AGAP1: variants seen among roughly 807,000 people sequenced by gnomAD.
The protein encoded by AGAP1 is ArfGAP with GTPase domain, ankyrin repeat and PH domain 1, also known as arf-GAP with GTPase, ANK repeat and PH domain-containing protein 1.
Under a neutral mutation model 105.3 loss-of-function variants are expected in AGAP1, and 29 were observed. The observed-to-expected ratio is 0.28, with a 90% CI of 0.21 to 0.38. The LOEUF is 0.38. Ranked by LOEUF, AGAP1 falls within the 10% of genes least tolerant of loss-of-function variation. AGAP1 has a pLI of 1.00. For missense variants in AGAP1, 998 were observed against 1,165.1 expected, an observed-to-expected ratio of 0.86 and a Z score of 2.09; for synonymous variants, 509 against 485.9, an observed-to-expected ratio of 1.05 and a Z score of -0.63.
chr2:235,494,605 C>T lies in AGAP1; in HGVS notation c.-82C>T. The T allele has an allele frequency of 1.4e-6, 1 of 709,328 alleles. No individual in the cohort carries two copies. The highest frequency in any genetic ancestry group is 1.7e-6 in the Non-Finnish European group (1 of 583,864). 43.9% of individuals were successfully genotyped at this position (709,328 alleles called of 1,614,324 possible). A position where few individuals can be genotyped will look rare whatever the true frequency, so the allele number is the denominator to read the frequency against. Reference sequence around the variant, plus strand: ...CCCGGCTCCCCGGGGGCTGCGGCGCCCCGGGCTCGGCGGCCCGCGGGCCCC... The same window carrying T: ...CCCGGCTCCCCGGGGGCTGCGGCGCTCCGGGCTCGGCGGCCCGCGGGCCCC... On this transcript the variant is annotated 5_prime_UTR_variant, in exon 1 of 18. Transcript: ENST00000304032.
At position 236,055,165 on chromosome 2, in the gene AGAP1, C is replaced by T. The variant is rs747005983; in HGVS notation, c.2114+5884C>T. On this transcript the variant is annotated intron_variant, in intron 16 of 17. Transcript: ENST00000304032. This position sits in a 1 kb window ranked among gnomAD's most constrained non-coding sequence, Gnocchi z 6.2. ...GAATAAACTCCTCTGATTCTATCAT[C>T]CCGGATGCAGAGGGTTCAGGGAGCT... is the stretch of plus-strand genomic sequence containing the variant. 1.6e-4 allele frequency among the ~76,000 whole-genome samples: 24 copies of T among 152,184 alleles called. No homozygotes were observed. Among genetic ancestry groups the T allele is most frequent in the Non-Finnish European group, 3.1e-4 (21 of 68,044 alleles).
At position 235,578,769 on chromosome 2, in the gene AGAP1, A is replaced by C. The variant is rs1412009063; in HGVS notation, c.163+83920A>C. 1.4e-5 allele frequency among the ~76,000 whole-genome samples: 2 copies of C among 147,548 alleles called. No individual in the cohort carries two copies. Among genetic ancestry groups the C allele is most frequent in the Non-Finnish European group, 3.0e-5 (2 of 67,190 alleles). The stretch of plus-strand genomic sequence containing the variant: ...CACTGCACTCCAGCCTGGGCAATAC[A>C]GCGAGACTCAGTCTCAAAAAAAAAA... On this transcript the variant is annotated intron_variant, in intron 1 of 17. Coordinates refer to ENST00000304032, the MANE Select transcript of AGAP1 (RefSeq NM_001037131.3). The surrounding 1 kb of genome is among the most constrained non-coding windows in gnomAD (Gnocchi z 4.9).
chr2:235,846,519 C>T (rs1012630189), intron 9 of AGAP1, among the ~76,000 whole-genome samples: 10 of 150,868 alleles, frequency 6.6e-5, no homozygotes, highest in Admixed American at 6.6e-5. Flanking sequence ...TTAGTAGAGA[C>T]GGGGTTTTAC....
chr2:235,808,504 T>C (rs1379376823), intron 9 of AGAP1, among the ~76,000 whole-genome samples: 1 of 152,108 alleles, frequency 6.6e-6, no homozygotes, highest in African/African-American at 2.4e-5. Context: ...AGGGGTTAAA[T>C]AGGGCCACAG....
intron 16 of AGAP1, among the ~76,000 whole-genome samples, chr2:236,094,719 T>C (rs2059150221): frequency 6.6e-6 from 1 of 152,050 alleles, no homozygotes; most frequent in East Asian, 1.9e-4. Context: ...ATGAAATTTG[T>C]GGACTGTATG....
intron 1 of AGAP1, among the ~76,000 whole-genome samples, chr2:235,573,972 C>T (rs571500392): frequency 2.6e-4 from 39 of 152,356 alleles, no homozygotes; most frequent in African/African-American, 9.4e-4. Context: ...GTCGCACAAC[C>T]TTTTTATTGA....
At chr2:236,010,115 T>TAA (rs34251322) in intron 13 of AGAP1, among the ~76,000 whole-genome samples, 2 of 140,450 alleles carry the variant, frequency 1.4e-5, no homozygotes, top group Non-Finnish European at 3.1e-5. Flanking sequence ...CATGTGTTAG[T>TAA]AAAAAAAAAA....
intron 12 of AGAP1, among the ~76,000 whole-genome samples, chr2:235,941,357 A>G (rs1238226199): frequency 2.0e-5 from 3 of 152,196 alleles, no homozygotes; most frequent in Admixed American, 2.0e-4. Context: ...CATTTAGTCC[A>G]CAAGTATTTA....
chr2:236,029,458 G>A (rs762749465), intron 13 of AGAP1, among the ~76,000 whole-genome samples: 1 of 144,180 alleles, frequency 6.9e-6, no homozygotes, highest in Non-Finnish European at 1.5e-5. Flanking sequence ...TTTTTTTTTC[G>A]GTATTTTAGT....
rs60572339 is a variant in AGAP1, at chr2:235,965,119, T to A, written c.1484-3343T>A. Among the ~76,000 whole-genome samples the A allele has an allele frequency of 0.15, 22,445 of 152,134 alleles. 4,449 individuals are homozygous for A. The highest frequency in any genetic ancestry group is 0.46 in the African/African-American group (18,943 of 41,480). ...CCAGATGTCCACCGTGGAAAGCAAG[T>A]GTTGGGCAGAAGTGGCAGGGAAGTG... On this transcript the variant is annotated intron_variant, in intron 12 of 17. Coordinates refer to ENST00000304032, the MANE Select transcript of AGAP1 (RefSeq NM_001037131.3). This position sits in a 1 kb window ranked among gnomAD's most constrained non-coding sequence, Gnocchi z 5.8.
At position 235,842,834 on chromosome 2, in the gene AGAP1, T is replaced by G. The variant is rs889926175; in HGVS notation, c.1050+35503T>G. On this transcript the variant is annotated intron_variant, in intron 9 of 17. Coordinates refer to ENST00000304032, the MANE Select transcript of AGAP1 (RefSeq NM_001037131.3). The surrounding 1 kb of genome is among the most constrained non-coding windows in gnomAD (Gnocchi z 5.3). ...CCTCTGCCTCCCAGGTTCAAGTGATTCTTCTGCCTCAGCCTCCCGACTAGC... is the reference window on the plus strand; with the variant it reads ...CCTCTGCCTCCCAGGTTCAAGTGATGCTTCTGCCTCAGCCTCCCGACTAGC... Among the ~76,000 whole-genome samples, 11 of 149,922 alleles carry G rather than the reference T, an allele frequency of 7.3e-5. No homozygotes were observed. The highest frequency in any genetic ancestry group is 2.7e-4 in the African/African-American group (11 of 41,458).
At chr2:235,511,037 C>G (rs1350907078) in intron 1 of AGAP1, among the ~76,000 whole-genome samples, 1 of 152,082 alleles carries the variant, frequency 6.6e-6, no homozygotes, top group Admixed American at 6.5e-5. Context: ...TTGTAGCCCC[C>G]AAGAGGACAT....
At chr2:236,103,468 C>T (rs192505075) in intron 16 of AGAP1, among the ~76,000 whole-genome samples, 18 of 152,106 alleles carry the variant, frequency 1.2e-4, no homozygotes, top group Non-Finnish European at 1.8e-4. Flanking sequence ...ATCTTTTTCT[C>T]CTGGGCCCCT....
At chr2:235,698,431 CT>C (rs1950100399) in intron 1 of AGAP1, among the ~76,000 whole-genome samples, 1 of 151,864 alleles carries the variant, frequency 6.6e-6, no homozygotes, top group African/African-American at 2.4e-5. Flanking sequence ...ACTCTTACAT[CT>C]CATGAAAAAA....
intron 11 of AGAP1, among the ~76,000 whole-genome samples, chr2:235,918,535 T>C (rs1399484847): frequency 1.3e-5 from 2 of 152,234 alleles, no homozygotes; most frequent in Non-Finnish European, 2.9e-5. Flanking sequence ...ATTAGTTGTT[T>C]CCGTGTTTAT....
At position 236,087,722 on chromosome 2, in the gene AGAP1, C is replaced by T. The variant is rs778274025; in HGVS notation, c.2115-32470C>T. On this transcript the variant is annotated intron_variant, in intron 16 of 17. Coordinates refer to ENST00000304032, the MANE Select transcript of AGAP1 (RefSeq NM_001037131.3). The surrounding 1 kb of genome is among the most constrained non-coding windows in gnomAD (Gnocchi z 5.7). ...GTGGCCTTATTGGTTAAGTGACAAC[C>T]GGGGACATACCCATTTTCTTTGTCC... Among the ~76,000 whole-genome samples the T allele has an allele frequency of 6.6e-6, 1 of 152,162 alleles. No individual in the cohort carries two copies. Among genetic ancestry groups the T allele is most frequent in the African/African-American group, 2.4e-5 (1 of 41,418 alleles).
rs1387125606 is a variant in AGAP1, at chr2:235,981,137, C to G, written c.1645+12514C>G. ...AGTATGTGATCACTGTGAGATGTTT[C>G]TCAAAGTCTGTCTTGAACTTGCCAA... On this transcript the variant is annotated intron_variant, in intron 13 of 17. Coordinates refer to ENST00000304032, the MANE Select transcript of AGAP1 (RefSeq NM_001037131.3). The surrounding 1 kb of genome is among the most constrained non-coding windows in gnomAD (Gnocchi z 5.5). Among the ~76,000 whole-genome samples, 1 of 152,160 alleles carries G rather than the reference C, an allele frequency of 6.6e-6. No homozygotes were observed. Among genetic ancestry groups the G allele is most frequent in the Non-Finnish European group, 1.5e-5 (1 of 68,042 alleles).
At chr2:235,779,704 C>CT (rs1236151057) in intron 6 of AGAP1, among the ~76,000 whole-genome samples, 2 of 152,214 alleles carry the variant, frequency 1.3e-5, no homozygotes, top group African/African-American at 4.8e-5. Flanking sequence ...AACCTACAGG[C>CT]TTTGCAGACT....
intron 10 of AGAP1, among the ~76,000 whole-genome samples, chr2:235,894,585 C>T (rs974587166): frequency 4.0e-5 from 6 of 151,892 alleles, no homozygotes; most frequent in African/African-American, 7.3e-5. Context: ...ACCATACATA[C>T]ATCATACACA....
Sources: allele counts gnomAD v4.1 joint callset (sites outside exome capture counted in the v4.1 genomes callset), GRCh38; gene constraint gnomAD v4.1.1; non-coding constraint Gnocchi (gnomAD v3.1); transcripts MANE v1.5; gene names NCBI Gene and HGNC (gene_info 2026-07-23, HGNC 2026-07-21).